Variants in TRIM9 observed in about 807,000 individuals in gnomAD.
TRIM9 encodes tripartite motif containing 9, also known as E3 ubiquitin-protein ligase TRIM9.
Under a neutral mutation model 78.3 loss-of-function variants are expected in TRIM9, and 26 were observed. That is an observed-to-expected ratio of 0.33 (90% CI 0.24 to 0.46). The LOEUF (loss-of-function observed/expected upper bound fraction) is 0.46, where lower values mean the gene tolerates loss of function less well. TRIM9 is among the 20% of genes least tolerant of loss of function. The pLI is 1.00. For missense variants in TRIM9, 787 were observed against 1,036.4 expected, an observed-to-expected ratio of 0.76 and a Z score of 3.30; for synonymous variants, 398 against 416.5, an observed-to-expected ratio of 0.96 and a Z score of 0.54.
At chr14:51,035,892 A>G (rs963128703) in intron 1 of TRIM9, among the ~76,000 whole-genome samples, 4 of 152,272 alleles carry the variant, frequency 2.6e-5, no homozygotes, top group African/African-American at 9.6e-5. Context: ...AAAATGGTTT[A>G]GAATACCCAC....
At chr14:51,032,556 C>A (rs2058822038) in intron 1 of TRIM9, among the ~76,000 whole-genome samples, 1 of 152,214 alleles carries the variant, frequency 6.6e-6, no homozygotes, top group Non-Finnish European at 1.5e-5. Flanking sequence ...AGATCTAGAA[C>A]TTGTAGTAGG....
chr14:51,008,395 A>C (rs1304428789), intron 5 of TRIM9, among the ~76,000 whole-genome samples: 1 of 152,252 alleles, frequency 6.6e-6, no homozygotes, highest in Non-Finnish European at 1.5e-5. Context: ...GTGTATTTCA[A>C]AAGAAACAGT....
At chr14:50,993,871 T>G (rs1344658564) in intron 7 of TRIM9, among the ~76,000 whole-genome samples, 1 of 152,140 alleles carries the variant, frequency 6.6e-6, no homozygotes, top group Non-Finnish European at 1.5e-5. Flanking sequence ...ACTTAACCTC[T>G]CAGCAGCTCA....
At chr14:50,977,665 C>T (rs2051236334) in intron 12 of TRIM9, among the ~76,000 whole-genome samples, 1 of 152,134 alleles carries the variant, frequency 6.6e-6, no homozygotes, top group African/African-American at 2.4e-5. Flanking sequence ...ATAGAGGAGC[C>T]TACTGGCCAC....
intron 3 of TRIM9, among the ~76,000 whole-genome samples, chr14:51,015,054 C>T (rs1190547027): frequency 2.0e-5 from 3 of 152,232 alleles, no homozygotes; most frequent in Admixed American, 2.0e-4. Flanking sequence ...GAGCCACCAT[C>T]TGTTCTGGAT....
chr14:51,038,973 T>G (rs1352984863), intron 1 of TRIM9, among the ~76,000 whole-genome samples: 2 of 152,372 alleles, frequency 1.3e-5, no homozygotes, highest in Non-Finnish European at 2.9e-5. Flanking sequence ...ACCAGCTTAT[T>G]TAAACTTTTA....
chr14:51,092,718 T>G (rs747614517), intron 1 of TRIM9, among the ~76,000 whole-genome samples: 3 of 152,218 alleles, frequency 2.0e-5, no homozygotes, highest in Non-Finnish European at 4.4e-5. Context: ...CTAAGCAGTG[T>G]GGGCATATTA....
At chr14:51,050,510 T>A (rs901634666) in intron 1 of TRIM9, among the ~76,000 whole-genome samples, 8 of 152,064 alleles carry the variant, frequency 5.3e-5, no homozygotes, top group Non-Finnish European at 1.2e-4. Context: ...AATTACCCAG[T>A]CTTGTGTATG....
intron 8 of TRIM9, among the ~76,000 whole-genome samples, chr14:50,985,063 T>A (rs757176875): frequency 6.6e-6 from 1 of 152,186 alleles, no homozygotes; most frequent in Non-Finnish European, 1.5e-5. Flanking sequence ...CCTTTGGAAA[T>A]ATGAAATGTG....
intron 3 of TRIM9, among the ~76,000 whole-genome samples, chr14:51,012,002 CTA>C (rs1447734544): frequency 6.6e-6 from 1 of 152,144 alleles, no homozygotes; most frequent in African/African-American, 2.4e-5. Context: ...AAATTTCTAT[CTA>C]ATATTTTGAC....
intron 1 of TRIM9, among the ~76,000 whole-genome samples, chr14:51,026,453 T>G (rs1283685111): frequency 6.6e-6 from 1 of 152,166 alleles, no homozygotes; most frequent in Non-Finnish European, 1.5e-5. Context: ...ATCACTGTAC[T>G]TGATACAAAT....
rs17123339 is a variant in TRIM9 at position 50,987,063 on chromosome 14, C to T, written c.1604-919G>A. On this transcript the variant is annotated intron_variant, in intron 7 of 12. Transcript: ENST00000684578. ...GTGGTCTAGTCAGAGGTGGATCTTT[C>T]GCCAATTGAAGCCTTCTTAACATTC... Among the ~76,000 whole-genome samples the T allele has an allele frequency of 3.0e-3, 460 of 152,304 alleles. 5 individuals carry two copies. The South Asian group carries it at 0.035, about 11-fold the overall frequency.
chr14:51,008,190 T>A (rs1383840834), intron 5 of TRIM9, among the ~76,000 whole-genome samples: 1 of 152,044 alleles, frequency 6.6e-6, no homozygotes, highest in East Asian at 1.9e-4. Context: ...AGGAGGGAGA[T>A]CTTCATTCTG....
In TRIM9 at chr14:50,981,889, ATCCT is replaced by A. The variant is rs2051967704; in HGVS notation, c.2069_2072del (p.Lys690MetfsTer2). The A allele has an allele frequency of 6.2e-7, 1 of 1,613,912 alleles. No homozygotes were observed. On this transcript the variant is annotated frameshift_variant, in exon 11 of 13. Transcript: ENST00000684578. LOFTEE classifies it high-confidence loss of function. The stretch of plus-strand genomic sequence containing the variant: ...CTTTGTCGTCTTTTCCTAACATCAC[ATCCT>A]TCATCACGTCCATGCGAGCCACACC...
At chr14:51,080,703 T>C (rs1196994157) in intron 1 of TRIM9, among the ~76,000 whole-genome samples, 1 of 152,148 alleles carries the variant, frequency 6.6e-6, no homozygotes, top group Non-Finnish European at 1.5e-5. Flanking sequence ...TTTTGACACC[T>C]GGAAGTGACT....
intron 7 of TRIM9, chr14:50,996,286 G>A (rs2054197335): frequency 1.0e-6 from 1 of 985,202 alleles, no homozygotes; most frequent in African/African-American, 1.7e-5. Context: ...TCTAGAAAAT[G>A]ACCCCCAGTT....
intron 1 of TRIM9, among the ~76,000 whole-genome samples, chr14:51,077,386 G>GT (rs146912763): frequency 0.11 from 11,076 of 96,912 alleles, 1,685 homozygotes; most frequent in African/African-American, 0.22. Flanking sequence ...CTCCAATTCT[G>GT]TTTTTTTTTT....
At chr14:51,031,961 G>A (rs10129790) in intron 1 of TRIM9, among the ~76,000 whole-genome samples, 153 of 152,314 alleles carry the variant, frequency 1.0e-3, no homozygotes, top group Non-Finnish European at 1.7e-3. Flanking sequence ...GGGCAGAAAG[G>A]AGGAGGGCTC....
chr14:51,046,576 C>T (rs924549736), intron 1 of TRIM9, among the ~76,000 whole-genome samples: 1 of 152,184 alleles, frequency 6.6e-6, no homozygotes, highest in Admixed American at 6.5e-5. Flanking sequence ...CTGGAAAATA[C>T]TCTTGGTCTT....
Sources: gnomAD v4.1 joint callset for allele counts (sites outside exome capture counted in the v4.1 genomes callset) on GRCh38, gnomAD v4.1.1 for gene constraint, MANE v1.5 for transcripts, NCBI Gene and HGNC (gene_info 2026-07-23, HGNC 2026-07-21) for gene names.